ABL1: variants seen among roughly 807,000 people sequenced by gnomAD.
ABL1 encodes the protein ABL proto-oncogene 1, non-receptor tyrosine kinase.
A neutral mutation model predicts 94.7 loss-of-function variants in ABL1; 11 were observed. The ratio of observed to expected loss-of-function variants is 0.12; its 90% confidence interval spans 0.07 to 0.19. The LOEUF (loss-of-function observed/expected upper bound fraction) is 0.19, where lower values mean the gene tolerates loss of function less well. Ranked by LOEUF, ABL1 falls within the 10% of genes least tolerant of loss-of-function variation. The probability of loss-of-function intolerance (pLI) is 1.00; values close to 1 mark genes in which losing one functional copy is unlikely to be tolerated. For missense variants in ABL1, 1,082 were observed against 1,489.4 expected (o/e 0.73, Z 4.50); for synonymous variants, 656 against 622.4 (o/e 1.05, Z -0.80).
At chr9:130,778,807 C>T (rs959146341) in intron 1 of ABL1, among the ~76,000 whole-genome samples, 5 of 151,818 alleles carry the variant, frequency 3.3e-5, no homozygotes, top group Non-Finnish European at 7.4e-5. Flanking sequence ...CTCAGTCCAC[C>T]ATCTTGACCG....
intron 3 of ABL1, among the ~76,000 whole-genome samples, chr9:130,861,933 C>T (rs1564315094): frequency 6.6e-6 from 1 of 152,240 alleles, no homozygotes; most frequent in Non-Finnish European, 1.5e-5. Context: ...CCTTCTCCTT[C>T]CTCTCCAGCT....
chr9:130,736,511 A>G (rs1055118155), intron 1 of ABL1, among the ~76,000 whole-genome samples: 4 of 151,482 alleles, frequency 2.6e-5, no homozygotes, highest in African/African-American at 7.3e-5. Context: ...GTTTTTTGAG[A>G]CGAAGTTTCG....
At chr9:130,875,191 G>A in intron 7 of ABL1, 139 bp downstream of exon 7, 1 of 936,638 alleles carries the variant, frequency 1.1e-6, no homozygotes, top group Non-Finnish European at 1.5e-6. Context: ...ACCCAGGCTG[G>A]AGTGCAGTGG....
chr9:130,762,570 C>G (rs1268008428), intron 1 of ABL1, among the ~76,000 whole-genome samples: 2 of 152,074 alleles, frequency 1.3e-5, no homozygotes, highest in African/African-American at 4.8e-5. Flanking sequence ...CTTACTGATA[C>G]TCCTGCTTTC....
chr9:130,743,666 G>T (rs180709886), intron 1 of ABL1, among the ~76,000 whole-genome samples: 3 of 152,312 alleles, frequency 2.0e-5, no homozygotes, highest in Admixed American at 1.3e-4. Context: ...AACCTTTATT[G>T]GGAGTCCAGG....
intron 1 of ABL1, among the ~76,000 whole-genome samples, chr9:130,746,487 T>C (rs2132720182): frequency 6.6e-6 from 1 of 151,332 alleles, no homozygotes; most frequent in East Asian, 1.9e-4. Context: ...CTCATCACTA[T>C]TGTTTTGTCC....
chr9:130,849,991 A>G (rs1830831245), intron 1 of ABL1, among the ~76,000 whole-genome samples: 1 of 152,128 alleles, frequency 6.6e-6, no homozygotes, highest in Non-Finnish European at 1.5e-5. Flanking sequence ...ACTGGCTTCC[A>G]CTTGACTGAC....
chr9:130,829,749 ACATT>A (rs1452815488), intron 1 of ABL1, among the ~76,000 whole-genome samples: 6 of 152,222 alleles, frequency 3.9e-5, no homozygotes, highest in Non-Finnish European at 5.9e-5. Flanking sequence ...AATAAAGGAA[ACATT>A]CATAGTATAT....
At chr9:130,851,542 G>A (rs1337388336) in intron 1 of ABL1, among the ~76,000 whole-genome samples, 1 of 151,948 alleles carries the variant, frequency 6.6e-6, no homozygotes, top group Non-Finnish European at 1.5e-5. Context: ...CCGGAAGTTT[G>A]ATCAGGTGGG....
intron 1 of ABL1, among the ~76,000 whole-genome samples, chr9:130,758,954 A>G (rs2791740): frequency 0.53 from 81,129 of 151,984 alleles, 23,588 homozygotes; most frequent in African/African-American, 0.77. Flanking sequence ...AGCTGTGACC[A>G]TGACCTTTTT....
intron 4 of ABL1, among the ~76,000 whole-genome samples, chr9:130,871,594 C>T (rs1049758231): frequency 6.6e-6 from 1 of 152,228 alleles, no homozygotes; most frequent in African/African-American, 2.4e-5. Context: ...CAGAATAGTT[C>T]AGCATCCTCT....
At chr9:130,873,071 G>T (rs1348173635) in intron 6 of ABL1, 34 bp downstream of exon 6, 1 of 1,598,830 alleles carries the variant, frequency 6.3e-7, no homozygotes, top group East Asian at 2.2e-5. Flanking sequence ...GCGCCATGGA[G>T]TCACAGGGCG....
rs1831104262 is a variant in ABL1, at chr9:130,863,212, T to G, written c.822+177T>G. On this transcript the variant is annotated intron_variant, in intron 4 of 10. Coordinates refer to ENST00000318560, the MANE Select transcript of ABL1 (RefSeq NM_005157.6). This position sits in a 1 kb window ranked among gnomAD's most constrained non-coding sequence, Gnocchi z 4.3. ...TGTGTCTTTGTAGGAGTGGAATCAT[T>G]CTCATAGTCCGAGTGTGTTTCCACA... Among the ~76,000 whole-genome samples the G allele has an allele frequency of 6.6e-6, 1 of 152,188 alleles. No individual in the cohort carries two copies. Among genetic ancestry groups the G allele is most frequent in the Non-Finnish European group, 1.5e-5 (1 of 68,028 alleles).
In ABL1 at chr9:130,885,291, G is replaced by A. The variant is rs753104701; in HGVS notation, c.3001G>A (p.Ala1001Thr). 15 of 1,613,582 alleles carry A rather than the reference G, an allele frequency of 9.3e-6. No homozygotes were observed. The highest frequency in any genetic ancestry group is 4.5e-5 in the East Asian group (2 of 44,886). ...GGCAGGGGACCAGCCGTCTTCCACC[G>A]CCTTCATCCCTCTCATATCAACCCG... ...ALAGDQPSSTAFIPLISTRVS... is the reference protein window; with the variant it reads ...ALAGDQPSSTTFIPLISTRVS... The change falls in exon 11 of 11, where the codon GCC becomes ACC. Residue 1001 changes from alanine to threonine, a missense_variant. Around this residue, in one of 7 missense-constraint regions of ABL1, gnomAD observed 780 missense variants for 835.8 expected, o/e 0.93. Transcript: ENST00000318560.
At chr9:130,781,969 C>G (rs1158287524) in intron 1 of ABL1, among the ~76,000 whole-genome samples, 1 of 152,202 alleles carries the variant, frequency 6.6e-6, no homozygotes, top group Non-Finnish European at 1.5e-5. Flanking sequence ...ACATCACATT[C>G]ACACATATGC....
At chr9:130,837,442 C>A (rs879554015) in intron 1 of ABL1, among the ~76,000 whole-genome samples, 1 of 151,494 alleles carries the variant, frequency 6.6e-6, no homozygotes, top group African/African-American at 2.4e-5. Context: ...GGGAGTAAAC[C>A]GGAGATTTAG....
At chr9:130,855,608 C>T (rs182051088) in intron 3 of ABL1, among the ~76,000 whole-genome samples, 132 of 152,160 alleles carry the variant, frequency 8.7e-4, no homozygotes, top group African/African-American at 2.9e-3. Flanking sequence ...CAGTGAAAAC[C>T]GGGATCAAAC....
At chr9:130,882,983 C>A (rs1030832141) in intron 10 of ABL1, among the ~76,000 whole-genome samples, 1 of 152,042 alleles carries the variant, frequency 6.6e-6, no homozygotes, top group Non-Finnish European at 1.5e-5. Context: ...GTGGCACAAG[C>A]TGGGGGCTGC....
chr9:130,816,953 G>T (rs1193783727), intron 1 of ABL1, among the ~76,000 whole-genome samples: 1 of 152,092 alleles, frequency 6.6e-6, no homozygotes, highest in South Asian at 2.1e-4. Flanking sequence ...GATTCCCCCC[G>T]CCTTGGCCTC....
Sources: gnomAD v4.1 joint callset for allele counts (sites outside exome capture counted in the v4.1 genomes callset) on GRCh38, gnomAD v4.1.1 for gene constraint, gnomAD v4.1.1 regional missense constraint, Gnocchi (gnomAD v3.1) non-coding constraint, MANE v1.5 for transcripts, NCBI Gene and HGNC (gene_info 2026-07-23, HGNC 2026-07-21) for gene names.